The following GALNT7 variants were observed in gnomAD, a reference collection of about 807,000 sequenced individuals.
The protein encoded by GALNT7 is N-acetylgalactosaminyltransferase 7.
GALNT7 carries 60 observed loss-of-function variants against 82.1 expected under a neutral mutation model. The ratio of observed to expected loss-of-function variants is 0.73; its 90% CI spans 0.59 to 0.91. GALNT7 has a LOEUF of 0.91. Ranked by LOEUF, GALNT7 falls within the 40% of genes least tolerant of loss-of-function variation. GALNT7 has a pLI of 0.00. For synonymous variants in GALNT7, 243 were observed against 275.1 expected (o/e 0.88, Z 1.15); for missense variants, 660 against 804.2 (o/e 0.82, Z 2.17).
At chr4:173,285,325 G>A (rs1020021220) in intron 2 of GALNT7, among the ~76,000 whole-genome samples, 3 of 152,198 alleles carry the variant, frequency 2.0e-5, no homozygotes, top group Admixed American at 2.0e-4. Flanking sequence ...TTTTAATTAT[G>A]TGCTAGATGC....
At chr4:173,244,404 T>C (rs1734542056) in intron 1 of GALNT7, among the ~76,000 whole-genome samples, 1 of 152,172 alleles carries the variant, frequency 6.6e-6, no homozygotes, top group African/African-American at 2.4e-5. Context: ...AACATGTTGA[T>C]GTATGAATTT....
chr4:173,178,004 AGTCTGTGT>A (rs1358647325), intron 1 of GALNT7, among the ~76,000 whole-genome samples: 2 of 115,186 alleles, frequency 1.7e-5, no homozygotes, highest in African/African-American at 7.2e-5. Context: ...CCTATCCGCA[AGTCTGTGT>A]GTGTGTGTGT....
chr4:173,180,840 T>G (rs958736609), intron 1 of GALNT7, among the ~76,000 whole-genome samples: 22 of 152,234 alleles, frequency 1.4e-4, no homozygotes, highest in African/African-American at 5.1e-4. Flanking sequence ...TATTAGACAA[T>G]TTGATCATTG....
chr4:173,178,060 C>CTGTGTGTGTGT (rs1561142214), intron 1 of GALNT7, among the ~76,000 whole-genome samples: 1 of 123,580 alleles, frequency 8.1e-6, no homozygotes, highest in African/African-American at 4.5e-5. Context: ...TGTGCGCGCA[C>CTGTGTGTGTGT]GCGCGTGCGC....
chr4:173,226,421 C>T (rs1733829766), intron 1 of GALNT7, among the ~76,000 whole-genome samples: 2 of 152,104 alleles, frequency 1.3e-5, no homozygotes, highest in Admixed American at 1.3e-4. Context: ...ATCTCCAGTC[C>T]TCAACATTTT....
At chr4:173,311,780 A>G (rs1737394592) in intron 8 of GALNT7, among the ~76,000 whole-genome samples, 1 of 152,202 alleles carries the variant, frequency 6.6e-6, no homozygotes, top group Admixed American at 6.5e-5. Flanking sequence ...GATCCAAACC[A>G]TATCAAGTGG....
At chr4:173,194,854 G>A (rs1732730770) in intron 1 of GALNT7, among the ~76,000 whole-genome samples, 1 of 151,932 alleles carries the variant, frequency 6.6e-6, no homozygotes, top group Non-Finnish European at 1.5e-5. Context: ...AATTTAATCT[G>A]GTTTTCAGCC....
intron 9 of GALNT7, chr4:173,316,564 G>T (rs999179819): frequency 6.6e-6 from 1 of 152,182 alleles, no homozygotes; most frequent in Admixed American, 6.5e-5. Flanking sequence ...TACTGGGGTA[G>T]GTGTCTTTAT....
rs1737888854 is a variant in GALNT7, at chr4:173,323,306, T to A, written c.*1589T>A. On this transcript the variant is annotated 3_prime_UTR_variant, in exon 12 of 12. Transcript: ENST00000265000. ...TAAATTTGTTTCTTCCAAGCTTAGC[T>A]CTTAAATTTGGAGACTCAAAGTTAA... 1 of 152,584 alleles carries A rather than the reference T, an allele frequency of 6.6e-6. No homozygotes were observed. The highest frequency in any genetic ancestry group is 1.5e-5 in the Non-Finnish European group (1 of 67,982). 9.5% of individuals were successfully genotyped at this position (152,584 alleles called of 1,614,324 possible).
Position 173,302,712 on chromosome 4 carries a change from A to G in GALNT7, c.1266+548A>G, listed in dbSNP as rs1736993196. Among the ~76,000 whole-genome samples the G allele has an allele frequency of 6.6e-6, 1 of 151,910 alleles. No individual in the cohort carries two copies. Among genetic ancestry groups the G allele is most frequent in the Admixed American group, 6.5e-5 (1 of 15,274 alleles). On this transcript the variant is annotated intron_variant, in intron 7 of 11. Transcript: ENST00000265000. This position sits in a 1 kb window ranked among gnomAD's most constrained non-coding sequence, Gnocchi z 4.2. The stretch of plus-strand genomic sequence containing the variant: ...TTCCTACCCCCATTTTCCAAAAGAA[A>G]GAGAGAGAGAACTATATCAGAGTGT...
chr4:173,249,708 T>C (rs1451426180), intron 2 of GALNT7, among the ~76,000 whole-genome samples: 1 of 152,214 alleles, frequency 6.6e-6, no homozygotes, highest in Non-Finnish European at 1.5e-5. Context: ...AAATATTGCA[T>C]GGGACATACT....
At chr4:173,223,657 G>A (rs1733710931) in intron 1 of GALNT7, among the ~76,000 whole-genome samples, 1 of 151,344 alleles carries the variant, frequency 6.6e-6, no homozygotes, top group Admixed American at 6.6e-5. Context: ...CATTTTTAAT[G>A]TTATTTTTCT....
chr4:173,298,713 G>A (rs1270892821), intron 6 of GALNT7, among the ~76,000 whole-genome samples: 16 of 152,156 alleles, frequency 1.1e-4, no homozygotes. Flanking sequence ...CGTTCATGCC[G>A]TGGGTATAAT....
chr4:173,278,465 T>C (rs956328933), intron 2 of GALNT7, among the ~76,000 whole-genome samples: 3 of 152,176 alleles, frequency 2.0e-5, no homozygotes, highest in Non-Finnish European at 4.4e-5. Flanking sequence ...TAGTCCAATT[T>C]TCAACATAGA....
rs1250814799 is a variant in GALNT7 at position 173,323,514 on chromosome 4, A to C, written c.*1797A>C. ...TACTTTAATTACTTGTGTGTTTGCAAATAGGCTCCATTTTCCATGTTGAGT... is the reference window on the plus strand; with the variant it reads ...TACTTTAATTACTTGTGTGTTTGCACATAGGCTCCATTTTCCATGTTGAGT... On this transcript the variant is annotated 3_prime_UTR_variant, in exon 12 of 12. Transcript: ENST00000265000. The C allele has an allele frequency of 6.6e-6, 1 of 152,634 alleles. No individual in the cohort carries two copies. The highest frequency in any genetic ancestry group is 2.4e-5 in the African/African-American group (1 of 41,466). The allele number at this position is 152,634 out of a possible 1,614,324, so 9.5% of individuals were successfully genotyped here.
rs1737839806 is a variant in GALNT7, at chr4:173,322,081, A to G, written c.*364A>G. On this transcript the variant is annotated 3_prime_UTR_variant, in exon 12 of 12. Transcript: ENST00000265000. Reference sequence around the variant, plus strand: ...AGGCAGTTTGATTTTTATTTTTAACACACTTGAAAAAAGGTTGGAGTAGCC... The same window carrying G: ...AGGCAGTTTGATTTTTATTTTTAACGCACTTGAAAAAAGGTTGGAGTAGCC... 6.3e-6 allele frequency: 1 copy of G among 159,746 alleles called. No homozygotes were observed. Among genetic ancestry groups the G allele is most frequent in the African/African-American group, 2.4e-5 (1 of 41,618 alleles). 9.9% of individuals were successfully genotyped at this position (159,746 alleles called of 1,614,324 possible).
rs748349014 is a variant in GALNT7 at position 173,302,762 on chromosome 4, CTT to C, written c.1266+599_1266+600del. The stretch of plus-strand genomic sequence containing the variant: ...TGAGTTAAACAGGTATTCATTACCT[CTT>C]GTCTTAAATGTCCTGTGCGTAGCAC... On this transcript the variant is annotated intron_variant, in intron 7 of 11. Transcript: ENST00000265000. This position sits in a 1 kb window ranked among gnomAD's most constrained non-coding sequence, Gnocchi z 4.2. Among the ~76,000 whole-genome samples the C allele has an allele frequency of 6.6e-6, 1 of 152,230 alleles. No individual in the cohort carries two copies. Among genetic ancestry groups the C allele is most frequent in the Non-Finnish European group, 1.5e-5 (1 of 68,038 alleles).
At chr4:173,212,486 C>T (rs10520256) in intron 1 of GALNT7, among the ~76,000 whole-genome samples, 23,338 of 152,114 alleles carry the variant, frequency 0.15, 1,883 homozygotes, top group Non-Finnish European at 0.18. Flanking sequence ...AAAGAGGCTT[C>T]AGTTTAGATT....
chr4:173,247,824 T>C (rs752902103), intron 1 of GALNT7, among the ~76,000 whole-genome samples, 156 bp from the exon 2 acceptor site: 139 of 152,172 alleles, frequency 9.1e-4, no homozygotes, highest in Non-Finnish European at 1.9e-3. Flanking sequence ...CTGAAAGATA[T>C]CTCCTAATGG....
Sources: gnomAD v4.1 joint callset for allele counts (sites outside exome capture counted in the v4.1 genomes callset) on GRCh38, gnomAD v4.1.1 for gene constraint, Gnocchi (gnomAD v3.1) non-coding constraint, MANE v1.5 for transcripts, NCBI Gene and HGNC (gene_info 2026-07-23, HGNC 2026-07-21) for gene names.